The following DENND6A variants were observed in gnomAD, a reference collection of about 807,000 sequenced individuals.
DENND6A encodes DENN domain containing 6A.
Under a neutral mutation model 95.5 loss-of-function variants are expected in DENND6A, and 43 were observed. The observed-to-expected ratio is 0.45, with a 90% confidence interval of 0.35 to 0.58. The LOEUF (loss-of-function observed/expected upper bound fraction) is 0.58, where lower values mean the gene tolerates loss of function less well. DENND6A is among the 20% of genes least tolerant of loss of function. DENND6A has a pLI of 0.00. For missense variants in DENND6A, 574 were observed against 736.0 expected (o/e 0.78, Z 2.55); for synonymous variants, 257 against 260.4 (o/e 0.99, Z 0.13).
rs2070588528 is a variant in DENND6A, at chr3:57,628,692, T to C, written c.1695+119A>G. The stretch of plus-strand genomic sequence containing the variant: ...CAGTATCTACCATCAATTGACCAAT[T>C]TCAAGCCCTCTCATTTAAAAAGTTA... On this transcript the variant is annotated intron_variant, in intron 19 of 19. Coordinates refer to ENST00000311128, the MANE Select transcript of DENND6A (RefSeq NM_152678.3). 9 of 1,045,456 alleles carry C rather than the reference T, an allele frequency of 8.6e-6. 1 individual carries two copies. In the South Asian group the frequency reaches 1.3e-4, roughly 15 times the overall value. The allele number at this position is 1,045,456 out of a possible 1,614,324, so 64.8% of individuals were successfully genotyped here.
In DENND6A at chr3:57,682,196, G is replaced by A. The variant is rs183139517; in HGVS notation, c.238-9758C>T. On this transcript the variant is annotated intron_variant, in intron 1 of 19. Coordinates refer to ENST00000311128, the MANE Select transcript of DENND6A (RefSeq NM_152678.3). ...TGCGGGAAGCTGAAGCAGGAGAATCGCTTGAACCCGGCAGGCGGAGGTTTT... is the reference window on the plus strand; with the variant it reads ...TGCGGGAAGCTGAAGCAGGAGAATCACTTGAACCCGGCAGGCGGAGGTTTT... 2.4e-4 allele frequency among the ~76,000 whole-genome samples: 34 copies of A among 143,098 alleles called. No homozygotes were observed. The South Asian group carries it at 5.8e-3, about 25-fold the overall frequency. The allele number at this position is 143,098 out of a possible 152,430, so 93.9% of individuals were successfully genotyped here.
rs1157440424 is a variant in DENND6A, at chr3:57,625,547, G to A, written c.*2667C>T. 6.6e-6 allele frequency: 1 copy of A among 152,322 alleles called. No individual in the cohort carries two copies. The highest frequency in any genetic ancestry group is 1.5e-5 in the Non-Finnish European group (1 of 67,998). 9.4% of individuals were successfully genotyped at this position (152,322 alleles called of 1,614,324 possible). On this transcript the variant is annotated 3_prime_UTR_variant, in exon 20 of 20. Coordinates refer to ENST00000311128, the MANE Select transcript of DENND6A (RefSeq NM_152678.3). ...TTTCACTGTAAATAGAAGGCACTAG[G>A]CATTACATAATACCCTTAAAGCAGT...
intron 9 of DENND6A, 44 bp downstream of exon 9, chr3:57,657,634 CCA>C (rs2071352648): frequency 3.8e-6 from 5 of 1,299,338 alleles, no homozygotes; most frequent in Admixed American, 2.1e-5. Context: ...AACACCACCA[CCA>C]CAAAGCAAAA....
chr3:57,641,860 CT>C, intron 11 of DENND6A, 113 bp from the exon 12 acceptor site: 1 of 745,510 alleles, frequency 1.3e-6, no homozygotes, highest in Non-Finnish European at 2.1e-6. Context: ...TTGATTTTTC[CT>C]TTATTCAACA....
chr3:57,638,427 G>T (rs1410821616), intron 12 of DENND6A, among the ~76,000 whole-genome samples: 4 of 151,958 alleles, frequency 2.6e-5, no homozygotes, highest in South Asian at 2.1e-4. Context: ...GGAGGCCAAG[G>T]CGGGTGGATC....
intron 1 of DENND6A, among the ~76,000 whole-genome samples, chr3:57,688,477 G>T (rs1251499519): frequency 2.0e-5 from 3 of 151,976 alleles, no homozygotes; most frequent in Non-Finnish European, 4.4e-5. Context: ...AACCACAAGT[G>T]AACAAAATGG....
intron 5 of DENND6A, among the ~76,000 whole-genome samples, 170 bp downstream of exon 5, chr3:57,663,463 CAAA>C (rs1189672713): frequency 3.8e-5 from 2 of 51,950 alleles, no homozygotes; most frequent in African/African-American, 4.9e-5. Context: ...GACTCCACCT[CAAA>C]AAAAAAAAAA....
At chr3:57,668,734 T>C (rs372612037) in intron 3 of DENND6A, among the ~76,000 whole-genome samples, 15 of 152,330 alleles carry the variant, frequency 9.8e-5, no homozygotes, top group African/African-American at 3.6e-4. Context: ...TCTAACATGC[T>C]GTTTAAGTGG....
intron 12 of DENND6A, among the ~76,000 whole-genome samples, chr3:57,637,858 G>A (rs922768780): frequency 8.6e-5 from 13 of 151,714 alleles, no homozygotes; most frequent in Admixed American, 3.3e-4. Flanking sequence ...TGCACAGGCC[G>A]GGCACAGTGG....
In DENND6A at chr3:57,693,061, C is replaced by G; in HGVS notation, c.-43G>C. Reference sequence around the variant, plus strand: ...TTCGCGCCGCCTCCACAGCGGACCGCGCCGCAGAGCGCGCTTGCCTCCGCG... The same window carrying G: ...TTCGCGCCGCCTCCACAGCGGACCGGGCCGCAGAGCGCGCTTGCCTCCGCG... On this transcript the variant is annotated 5_prime_UTR_variant, in exon 1 of 20. Transcript: ENST00000311128. 2 of 1,341,150 alleles carry G rather than the reference C, an allele frequency of 1.5e-6. No homozygotes were observed. Among genetic ancestry groups the G allele is most frequent in the Non-Finnish European group, 1.9e-6 (2 of 1,049,572 alleles). 83.1% of individuals were successfully genotyped at this position (1,341,150 alleles called of 1,614,324 possible). A position where few individuals can be genotyped will look rare whatever the true frequency, so the allele number is the denominator to read the frequency against.
Position 57,693,023 on chromosome 3 carries a change from C to T in DENND6A, c.-5G>A, listed in dbSNP as rs749923145. ...CGCAGGGCCCCTCAAAGCCATCGGCCGCCCCCTGACCGTTCGCGCCGCCTC... is the reference window on the plus strand; with the variant it reads ...CGCAGGGCCCCTCAAAGCCATCGGCTGCCCCCTGACCGTTCGCGCCGCCTC... On this transcript the variant is annotated 5_prime_UTR_variant, in exon 1 of 20. Coordinates refer to ENST00000311128, the MANE Select transcript of DENND6A (RefSeq NM_152678.3). 1.2e-5 allele frequency: 17 copies of T among 1,421,616 alleles called. No homozygotes were observed. The highest frequency in any genetic ancestry group is 2.4e-4 in the Middle Eastern group (1 of 4,092). 88.1% of individuals were successfully genotyped at this position (1,421,616 alleles called of 1,614,324 possible). A position where few individuals can be genotyped will look rare whatever the true frequency, so the allele number is the denominator to read the frequency against.
At position 57,630,466 on chromosome 3, in the gene DENND6A, C is replaced by A; in HGVS notation, c.1575G>T (p.Met525Ile). 6.3e-7 allele frequency: 1 copy of A among 1,595,956 alleles called. No individual in the cohort carries two copies. Among genetic ancestry groups the A allele is most frequent in the Non-Finnish European group, 8.5e-7 (1 of 1,176,178 alleles). The part of the protein sequence containing the change: ...DGWFKTRRKE[M>I]TQKLEALHLE... ...GATGGAGTGCCTCCAATTTTTGGGT[C>A]ATTTCCTTCCTCCGGGTCTTAAACC... Residue 525 changes from methionine (M) to isoleucine (I), a missense_variant, in exon 18 of 20, where the codon ATG (methionine) becomes ATT (isoleucine). This residue lies in a region of DENND6A where 452 missense variants were observed against 630.9 expected (regional missense o/e 0.72). Coordinates refer to ENST00000311128, the MANE Select transcript of DENND6A (RefSeq NM_152678.3).
At chr3:57,684,712 G>C (rs1268160998) in intron 1 of DENND6A, among the ~76,000 whole-genome samples, 3 of 152,136 alleles carry the variant, frequency 2.0e-5, no homozygotes, top group Admixed American at 6.5e-5. Flanking sequence ...GAGCCTGGGA[G>C]GTCCAGGCTG....
intron 1 of DENND6A, among the ~76,000 whole-genome samples, chr3:57,673,865 G>T (rs1045385391): frequency 6.6e-6 from 1 of 152,022 alleles, no homozygotes; most frequent in Non-Finnish European, 1.5e-5. Context: ...CCCCTCCCGG[G>T]TTCAAGCAAA....
At chr3:57,646,544 G>C in intron 9 of DENND6A, 106 bp from the exon 10 acceptor site, 3 of 1,404,452 alleles carry the variant, frequency 2.1e-6, no homozygotes, top group Non-Finnish European at 2.8e-6. Flanking sequence ...AATTCTTCCT[G>C]CTATTTGTAT....
intron 11 of DENND6A, among the ~76,000 whole-genome samples, chr3:57,644,020 T>G (rs2071009647): frequency 6.7e-6 from 1 of 149,766 alleles, no homozygotes. Context: ...TGTGATAGTG[T>G]GCACCTGTAA....
intron 3 of DENND6A, among the ~76,000 whole-genome samples, chr3:57,671,760 C>A (rs1354418412): frequency 6.6e-6 from 1 of 152,084 alleles, no homozygotes; most frequent in Non-Finnish European, 1.5e-5. Context: ...AATAAACAGA[C>A]CCTTGTATGT....
chr3:57,675,299 G>A (rs763057084), intron 1 of DENND6A, among the ~76,000 whole-genome samples: 3 of 152,132 alleles, frequency 2.0e-5, no homozygotes, highest in Non-Finnish European at 2.9e-5. Flanking sequence ...AAGTTATCAA[G>A]AACCATTTAC....
chr3:57,692,327 G>A (rs1386682409), intron 1 of DENND6A, among the ~76,000 whole-genome samples: 2 of 151,502 alleles, frequency 1.3e-5, no homozygotes, highest in Non-Finnish European at 2.9e-5. Context: ...TGAGGGAAAC[G>A]CTCAAACAGT....
Sources: allele counts gnomAD v4.1 joint callset (sites outside exome capture counted in the v4.1 genomes callset), GRCh38; gene constraint gnomAD v4.1.1; regional missense constraint gnomAD v4.1.1; transcripts MANE v1.5; gene names NCBI Gene and HGNC (gene_info 2026-07-23, HGNC 2026-07-21).